The following UGT1A10 variants were observed in gnomAD, a reference collection of about 807,000 sequenced individuals.
UGT1A10 encodes the protein UDP glucuronosyltransferase family 1 member A10, also known as UDP-glucuronosyltransferase 1A10.
A neutral mutation model predicts 45.8 loss-of-function variants in UGT1A10; 49 were observed. The ratio of observed to expected loss-of-function variants is 1.07; its 90% CI spans 0.85 to 1.36. The LOEUF (loss-of-function observed/expected upper bound fraction) is 1.36, where lower values mean the gene tolerates loss of function less well. Ranked by LOEUF, UGT1A10 falls within the 40% of genes most tolerant of loss-of-function variation. UGT1A10 has a pLI of 0.00. For synonymous variants in UGT1A10, 284 were observed against 249.7 expected (o/e 1.14, Z -1.29); for missense variants, 745 against 668.6 (o/e 1.11, Z -1.26).
chr2:233,713,177 C>G, intron 1 of UGT1A10: 1 of 1,614,182 alleles, frequency 6.2e-7, no homozygotes, highest in Non-Finnish European at 8.5e-7. Context: ...TGGTCCTCAC[C>G]CTGGAGGTGA....
At chr2:233,672,659 A>G in intron 1 of UGT1A10, 1 of 1,613,930 alleles carries the variant, frequency 6.2e-7, no homozygotes, top group Non-Finnish European at 8.5e-7. Context: ...GTTACGGAGT[A>G]TGATCTCTAC....
At chr2:233,661,627 C>CTT (rs1553602617) in intron 1 of UGT1A10, among the ~76,000 whole-genome samples, 2 of 106,136 alleles carry the variant, frequency 1.9e-5, no homozygotes, top group Admixed American at 1.0e-4. Context: ...ACTGAATTTT[C>CTT]TTTCTTTCTT....
At chr2:233,642,379 T>C (rs1238012400) in intron 1 of UGT1A10, among the ~76,000 whole-genome samples, 1 of 152,234 alleles carries the variant, frequency 6.6e-6, no homozygotes, top group African/African-American at 2.4e-5. Context: ...GATTTCAATC[T>C]CTTTGTTAAA....
intron 1 of UGT1A10, chr2:233,750,580 C>T (rs1288266277): frequency 6.6e-6 from 1 of 151,936 alleles, no homozygotes; most frequent in African/African-American, 2.4e-5. Flanking sequence ...CCATCACAGG[C>T]CTGGAGGCCT....
intron 1 of UGT1A10, among the ~76,000 whole-genome samples, chr2:233,638,430 T>G (rs1282151268): frequency 6.6e-6 from 1 of 152,226 alleles, no homozygotes; most frequent in African/African-American, 2.4e-5. Context: ...AGATGTACAA[T>G]ATACAATACC....
Position 233,636,694 on chromosome 2 carries a change from G to C in UGT1A10, c.172G>C (p.Val58Leu). The change falls in exon 1 of 5, where the codon GTC (valine) becomes CTC (leucine). Residue 58 changes from valine to leucine, a missense_variant. Coordinates refer to ENST00000344644, the MANE Select transcript of UGT1A10 (RefSeq NM_019075.4). ...CCTCAGGGGGCATGAGGTGGTTGTA[G>C]TCATGCCAGAGGTGAGTTGGCAACT... ...LILRGHEVVVVMPEVSWQLER... is the reference protein window; with the variant it reads ...LILRGHEVVVLMPEVSWQLER... 1 of 1,614,188 alleles carries C rather than the reference G, an allele frequency of 6.2e-7. No individual in the cohort carries two copies. The highest frequency in any genetic ancestry group is 8.5e-7 in the Non-Finnish European group (1 of 1,180,028).
At chr2:233,755,113 AG>A in intron 1 of UGT1A10, 1 of 1,332,540 alleles carries the variant, frequency 7.5e-7, no homozygotes, top group Non-Finnish European at 1.0e-6. Context: ...AACACCTCGT[AG>A]GCCTCAGCCA....
intron 1 of UGT1A10, among the ~76,000 whole-genome samples, chr2:233,717,530 G>A (rs1276644259): frequency 6.6e-6 from 1 of 152,220 alleles, no homozygotes; most frequent in African/African-American, 2.4e-5. Flanking sequence ...CCTCCATAAG[G>A]GAAGCCTCAG....
Position 233,727,076 on chromosome 2 carries a change from C to T in UGT1A10, c.856-39958C>T, listed in dbSNP as rs574728878. Among the ~76,000 whole-genome samples the T allele has an allele frequency of 2.4e-4, 36 of 152,290 alleles. No individual in the cohort carries two copies. In the South Asian group the frequency reaches 7.5e-3, roughly 32 times the overall value. ...GAAGATTAGTTTCTGTGTTCTCTTA[C>T]AAACATTAAAGAATTCCAGTTTGTG... On this transcript the variant is annotated intron_variant, in intron 1 of 4. Coordinates refer to ENST00000344644, the MANE Select transcript of UGT1A10 (RefSeq NM_019075.4).
intron 1 of UGT1A10, among the ~76,000 whole-genome samples, chr2:233,744,373 G>A (rs1353064237): frequency 6.6e-6 from 1 of 151,860 alleles, no homozygotes; most frequent in Non-Finnish European, 1.5e-5. Context: ...TAGGACTGCA[G>A]TTCTCCAACG....
chr2:233,676,403 C>G (rs183347348), intron 1 of UGT1A10, among the ~76,000 whole-genome samples: 2 of 152,226 alleles, frequency 1.3e-5, no homozygotes, highest in South Asian at 2.1e-4. Flanking sequence ...TTTCATCTAC[C>G]CTGTGTCCAG....
intron 1 of UGT1A10, among the ~76,000 whole-genome samples, chr2:233,759,856 C>T (rs1446471980): frequency 2.0e-5 from 3 of 152,092 alleles, no homozygotes; most frequent in Admixed American, 6.6e-5. Context: ...GTTTCCATGG[C>T]GAAAGCGGGG....
chr2:233,687,787 T>A (rs931805606), intron 1 of UGT1A10, among the ~76,000 whole-genome samples: 6 of 151,992 alleles, frequency 3.9e-5, no homozygotes, highest in Non-Finnish European at 8.8e-5. Context: ...ATGCCTGTGG[T>A]CCCAGCTACT....
In UGT1A10 at chr2:233,701,831, A is replaced by G. The variant is rs28899177; in HGVS notation, c.855+64454A>G. On this transcript the variant is annotated intron_variant, in intron 1 of 4. Coordinates refer to ENST00000344644, the MANE Select transcript of UGT1A10 (RefSeq NM_019075.4). ...GACACAACATACCAGAATCTCTGGG[A>G]CACATTCAAAGCAGTGTGTAGAGGG... 7.1e-4 allele frequency among the ~76,000 whole-genome samples: 108 copies of G among 152,314 alleles called. No homozygotes were observed. In the East Asian group the frequency reaches 0.012, roughly 17 times the overall value.
chr2:233,644,030 G>A (rs2073533219), intron 1 of UGT1A10, among the ~76,000 whole-genome samples: 1 of 152,190 alleles, frequency 6.6e-6, no homozygotes, highest in African/African-American at 2.4e-5. Context: ...GAGGAGTGAT[G>A]TCGGTACTCC....
chr2:233,652,461 TC>T (rs1297164147), intron 1 of UGT1A10, among the ~76,000 whole-genome samples: 1 of 152,180 alleles, frequency 6.6e-6, no homozygotes, highest in African/African-American at 2.4e-5. Context: ...TATCATTCTA[TC>T]CCCAAATACT....
At position 233,749,692 on chromosome 2, in the gene UGT1A10, G is replaced by A. The variant is rs182705299; in HGVS notation, c.856-17342G>A. The stretch of plus-strand genomic sequence containing the variant: ...CCCCACGTGTCAAGGACAGGATCTG[G>A]TGGGAGGTGATTGGATCATGGGGGC... On this transcript the variant is annotated intron_variant, in intron 1 of 4. Transcript: ENST00000344644. Among the ~76,000 whole-genome samples the A allele has an allele frequency of 1.6e-4, 24 of 151,978 alleles. No homozygotes were observed. In the East Asian group the frequency reaches 4.2e-3, roughly 27 times the overall value.
At position 233,713,243 on chromosome 2, in the gene UGT1A10, G is replaced by A. The variant is rs1157083757; in HGVS notation, c.856-53791G>A. ...CCCTGACAACGTATGCCATTTCATG[G>A]ACCCAGGACGAATTTGATCGCCTTT... On this transcript the variant is annotated intron_variant, in intron 1 of 4. Transcript: ENST00000344644. The A allele has an allele frequency of 1.2e-6, 2 of 1,614,222 alleles. 1 individual carries two copies. The highest frequency in any genetic ancestry group is 2.2e-5 in the South Asian group (2 of 91,088).
chr2:233,672,390 C>A (rs1268566832), intron 1 of UGT1A10: 2 of 1,614,076 alleles, frequency 1.2e-6, no homozygotes, highest in Admixed American at 3.3e-5. Context: ...CTTTTGATAA[C>A]TGTGGCTTAA....
Sources: gnomAD v4.1 joint callset for allele counts (sites outside exome capture counted in the v4.1 genomes callset) on GRCh38, gnomAD v4.1.1 for gene constraint, MANE v1.5 for transcripts, NCBI Gene and HGNC (gene_info 2026-07-23, HGNC 2026-07-21) for gene names.